The following AOAH variants were observed in gnomAD, a reference collection of about 807,000 sequenced individuals.
The protein encoded by AOAH is acyloxyacyl hydrolase, also known as acyloxyacyl hydrolase (neutrophil).
A neutral mutation model predicts 92.2 loss-of-function variants in AOAH; 64 were observed. The ratio of observed to expected loss-of-function variants is 0.69; its 90% CI spans 0.57 to 0.86. The LOEUF (loss-of-function observed/expected upper bound fraction) is 0.86. AOAH is among the 40% of genes least tolerant of loss of function. The probability of loss-of-function intolerance (pLI) is 0.00; values close to 1 mark genes in which losing one functional copy is unlikely to be tolerated. For synonymous variants in AOAH, 263 were observed against 254.5 expected, an observed-to-expected ratio of 1.03 and a Z score of -0.32; for missense variants, 656 against 694.6, an observed-to-expected ratio of 0.94 and a Z score of 0.62.
intron 4 of AOAH, among the ~76,000 whole-genome samples, chr7:36,644,107 T>C (rs1323526488): frequency 2.6e-5 from 4 of 152,156 alleles, no homozygotes; most frequent in African/African-American, 7.2e-5. Context: ...GGAGAGAAGA[T>C]TGACAGTAAA....
chr7:36,639,059 C>CTGAT (rs1793717685), intron 4 of AOAH, among the ~76,000 whole-genome samples: 1 of 152,334 alleles, frequency 6.6e-6, no homozygotes, highest in East Asian at 1.9e-4. Context: ...AGTATCCATT[C>CTGAT]TGATTAGTTG....
chr7:36,678,600 T>TGTGTGTGCGCGCGC (rs549317369), intron 2 of AOAH, among the ~76,000 whole-genome samples: 40 of 131,098 alleles, frequency 3.1e-4, no homozygotes, highest in South Asian at 5.6e-4. Flanking sequence ...TGTGTGTGTG[T>TGTGTGTGCGCGCGC]GCGCGCGCGC....
intron 13 of AOAH, among the ~76,000 whole-genome samples, chr7:36,562,138 T>C (rs1409374493): frequency 6.6e-6 from 1 of 152,248 alleles, no homozygotes; most frequent in Non-Finnish European, 1.5e-5. Flanking sequence ...AATTAGTTTA[T>C]GCAATTCTCA....
At chr7:36,513,860 G>T (rs1172271702) in intron 20 of AOAH, among the ~76,000 whole-genome samples, 1 of 152,222 alleles carries the variant, frequency 6.6e-6, no homozygotes, top group Non-Finnish European at 1.5e-5. Context: ...AGAGGACCCA[G>T]TTAAGCTGTG....
chr7:36,579,655 G>A (rs1203324113), intron 12 of AOAH, among the ~76,000 whole-genome samples: 11 of 152,148 alleles, frequency 7.2e-5, no homozygotes, highest in African/African-American at 2.7e-4. Flanking sequence ...TTCAAGGGCA[G>A]GAAGCATCCA....
At chr7:36,562,434 G>A (rs1457356137) in intron 13 of AOAH, among the ~76,000 whole-genome samples, 1 of 152,118 alleles carries the variant, frequency 6.6e-6, no homozygotes, top group East Asian at 1.9e-4. Flanking sequence ...TGATCCCTGC[G>A]ATCATAGTTT....
chr7:36,555,678 A>C (rs1161567128), intron 13 of AOAH, among the ~76,000 whole-genome samples: 2 of 152,140 alleles, frequency 1.3e-5, no homozygotes, highest in Non-Finnish European at 2.9e-5. Flanking sequence ...TTATTGGTCT[A>C]TTCAGAGATT....
intron 16 of AOAH, among the ~76,000 whole-genome samples, chr7:36,538,756 AT>A (rs1280964136): frequency 6.6e-6 from 1 of 152,232 alleles, no homozygotes; most frequent in Non-Finnish European, 1.5e-5. Flanking sequence ...GTGAAGTTCC[AT>A]GTGTGATCAT....
intron 20 of AOAH, among the ~76,000 whole-genome samples, chr7:36,521,426 T>C (rs1035383106): frequency 9.2e-5 from 14 of 152,142 alleles, no homozygotes; most frequent in Non-Finnish European, 2.1e-4. Context: ...GCCAGGATAA[T>C]GGGATGGGAG....
At chr7:36,652,457 G>A (rs1277897164) in intron 4 of AOAH, among the ~76,000 whole-genome samples, 2 of 151,366 alleles carry the variant, frequency 1.3e-5, no homozygotes, top group Non-Finnish European at 1.5e-5. Context: ...CATGTTCTGG[G>A]AGCAGGGGCT....
At chr7:36,520,054 A>G (rs1373426645) in intron 20 of AOAH, among the ~76,000 whole-genome samples, 1 of 152,244 alleles carries the variant, frequency 6.6e-6, no homozygotes, top group Non-Finnish European at 1.5e-5. Context: ...ACTGGCTACC[A>G]GCATGTGAAC....
intron 20 of AOAH, among the ~76,000 whole-genome samples, chr7:36,519,095 T>C (rs1783975354): frequency 6.6e-6 from 1 of 152,232 alleles, no homozygotes. Flanking sequence ...ACGCCGCTAC[T>C]ACAGGCATCT....
intron 2 of AOAH, among the ~76,000 whole-genome samples, chr7:36,678,600 T>TCAC (rs1554314415): frequency 2.3e-4 from 30 of 131,102 alleles, no homozygotes; most frequent in African/African-American, 7.7e-4. Context: ...TGTGTGTGTG[T>TCAC]GCGCGCGCGC....
chr7:36,624,548 A>G (rs1348421710), intron 6 of AOAH, among the ~76,000 whole-genome samples: 2 of 152,084 alleles, frequency 1.3e-5, no homozygotes, highest in Admixed American at 1.3e-4. Flanking sequence ...TCTACTCTAT[A>G]CTTTTGGGGC....
intron 5 of AOAH, among the ~76,000 whole-genome samples, chr7:36,633,662 C>T (rs1359394665): frequency 6.6e-6 from 1 of 152,066 alleles, no homozygotes; most frequent in Non-Finnish European, 1.5e-5. Context: ...GCCTGGAGTG[C>T]AGCACTACAT....
intron 16 of AOAH, among the ~76,000 whole-genome samples, chr7:36,536,414 C>A (rs116030285): frequency 1.4e-3 from 220 of 152,154 alleles, no homozygotes; most frequent in Admixed American, 2.7e-3. Context: ...GTTAGCACAA[C>A]CCTTAACACG....
In AOAH at chr7:36,673,998, A is replaced by G; in HGVS notation, c.235T>C (p.Leu79=). 1 of 1,605,660 alleles carries G rather than the reference A, an allele frequency of 6.2e-7. No homozygotes were observed. The highest frequency in any genetic ancestry group is 8.5e-7 in the Non-Finnish European group (1 of 1,173,182). The change falls in exon 3 of 21, where the codon TTG becomes CTG. Residue 79 remains leucine (L), a synonymous_variant. Coordinates refer to ENST00000617537, the MANE Select transcript of AOAH (RefSeq NM_001637.4). ...ATGACTAAATAGCAGGTGGTTTTCA[A>G]GAACAGTTTTTCTAAAAAATATAAA... ...LCSYLPEKLF[L]KTTCYLVIDK... is the part of the protein sequence containing the mutation.
intron 17 of AOAH, 34 bp downstream of exon 17, chr7:36,532,252 A>G: frequency 6.2e-7 from 1 of 1,614,186 alleles, no homozygotes; most frequent in Admixed American, 1.7e-5. Context: ...CAGGGTAGGT[A>G]AGCGGGCCTT....
At chr7:36,542,975 C>T (rs1054370830) in intron 15 of AOAH, among the ~76,000 whole-genome samples, 1 of 151,952 alleles carries the variant, frequency 6.6e-6, no homozygotes, top group Admixed American at 6.6e-5. Context: ...TTGTTGACTA[C>T]AACAATACTT....
Sources: gnomAD v4.1 joint callset for allele counts (sites outside exome capture counted in the v4.1 genomes callset) on GRCh38, gnomAD v4.1.1 for gene constraint, MANE v1.5 for transcripts, NCBI Gene and HGNC (gene_info 2026-07-23, HGNC 2026-07-21) for gene names.